The following RALYL variants were observed in gnomAD, a reference collection of about 807,000 sequenced individuals.
RALYL encodes the protein RNA-binding Raly-like protein.
In RALYL, 29 loss-of-function variants were observed where a neutral mutation model predicts 35.1. The observed-to-expected ratio is 0.83, with a 90% CI of 0.61 to 1.13. RALYL has a LOEUF of 1.13. Ranked by LOEUF, RALYL falls within the 50% of genes most tolerant of loss-of-function variation. The pLI is 0.00. For missense variants in RALYL, 359 were observed against 360.4 expected (o/e 1.00, Z 0.03); for synonymous variants, 120 against 127.6 (o/e 0.94, Z 0.40).
intron 1 of RALYL, among the ~76,000 whole-genome samples, chr8:84,256,081 T>C (rs1831155785): frequency 6.6e-6 from 1 of 152,124 alleles, no homozygotes; most frequent in African/African-American, 2.4e-5. Context: ...GCAAAGGGTA[T>C]GTCTGATTGC....
intron 2 of RALYL, among the ~76,000 whole-genome samples, chr8:84,616,739 T>C (rs1336832139): frequency 6.6e-6 from 1 of 151,438 alleles, no homozygotes; most frequent in Non-Finnish European, 1.5e-5. Context: ...AACGTTTAAG[T>C]CTTTAATCCA....
rs146860839 is a variant in RALYL, at chr8:84,737,711, G to A, written c.257-36868G>A. Among the ~76,000 whole-genome samples, 949 of 151,926 alleles carry A rather than the reference G, an allele frequency of 6.2e-3. 16 individuals carry two copies. Among genetic ancestry groups the A allele is most frequent in the African/African-American group, 0.021 (886 of 41,450 alleles). ...GCAATGTGGTGGTGTCTGGAGGAGG[G>A]GTATTGGGGAGGTGATTAGTGTATA... On this transcript the variant is annotated intron_variant, in intron 2 of 8. Transcript: ENST00000521268.
chr8:84,368,939 T>A (rs1168601912), intron 1 of RALYL, among the ~76,000 whole-genome samples: 1 of 152,224 alleles, frequency 6.6e-6, no homozygotes, highest in Admixed American at 6.6e-5. Context: ...ATGGCAAGTT[T>A]GTCTGGCACG....
chr8:84,544,669 A>G (rs772185758), intron 2 of RALYL, among the ~76,000 whole-genome samples: 14 of 152,112 alleles, frequency 9.2e-5, no homozygotes, highest in Non-Finnish European at 1.5e-5. Flanking sequence ...ATAGATTCCA[A>G]GAAATGAGTG....
intron 2 of RALYL, among the ~76,000 whole-genome samples, chr8:84,734,333 A>G (rs998054326): frequency 2.0e-5 from 3 of 152,164 alleles, no homozygotes; most frequent in South Asian, 2.1e-4. Context: ...TTAAACAAAG[A>G]CCTTAGGTAT....
chr8:84,692,843 A>G (rs1314815278), intron 2 of RALYL, among the ~76,000 whole-genome samples: 1 of 151,996 alleles, frequency 6.6e-6, no homozygotes, highest in Non-Finnish European at 1.5e-5. Context: ...CTGGAGAGGA[A>G]GGAGAATCAA....
At chr8:84,523,131 C>G (rs1343188417) in intron 1 of RALYL, among the ~76,000 whole-genome samples, 1 of 152,064 alleles carries the variant, frequency 6.6e-6, no homozygotes, top group African/African-American at 2.4e-5. Context: ...AAAGACATAC[C>G]TGAGACTGGA....
chr8:84,850,823 T>C (rs1835702936), intron 5 of RALYL, among the ~76,000 whole-genome samples: 1 of 152,174 alleles, frequency 6.6e-6, no homozygotes, highest in Admixed American at 6.5e-5. Flanking sequence ...TCTATCAATG[T>C]TGTGAACTAT....
chr8:84,275,595 T>G (rs1835216364), intron 1 of RALYL, among the ~76,000 whole-genome samples: 1 of 152,086 alleles, frequency 6.6e-6, no homozygotes, highest in South Asian at 2.1e-4. Flanking sequence ...TGTTATTATC[T>G]ATAGTCATAA....
At chr8:84,296,410 A>G (rs1201999821) in intron 1 of RALYL, among the ~76,000 whole-genome samples, 1 of 152,102 alleles carries the variant, frequency 6.6e-6, no homozygotes, top group Non-Finnish European at 1.5e-5. Flanking sequence ...GATCACATAC[A>G]TATATCCCAG....
chr8:84,604,988 A>G lies in RALYL; in HGVS notation c.256+75411A>G, dbSNP rs80138558. Among the ~76,000 whole-genome samples the G allele has an allele frequency of 9.8e-3, 1,486 of 152,230 alleles. 22 individuals are homozygous for G. Among genetic ancestry groups the G allele is most frequent in the African/African-American group, 0.033 (1,371 of 41,556 alleles). ...CTGTTCTTCAAACAATTCTACTTGC[A>G]TACACAATTTTTGTTCCACTACCTT... On this transcript the variant is annotated intron_variant, in intron 2 of 8. Transcript: ENST00000521268.
At chr8:84,237,590 T>C (rs1275469525) in intron 1 of RALYL, among the ~76,000 whole-genome samples, 1 of 152,088 alleles carries the variant, frequency 6.6e-6, no homozygotes, top group African/African-American at 2.4e-5. Context: ...AACAATAAAA[T>C]TCAAATTCTT....
At chr8:84,684,079 A>G (rs1205013010) in intron 2 of RALYL, among the ~76,000 whole-genome samples, 1 of 152,144 alleles carries the variant, frequency 6.6e-6, no homozygotes, top group African/African-American at 2.4e-5. Flanking sequence ...AAGATCATTA[A>G]CTATTATGCC....
intron 3 of RALYL, among the ~76,000 whole-genome samples, chr8:84,780,719 A>C (rs1817958476): frequency 6.6e-6 from 1 of 152,202 alleles, no homozygotes; most frequent in Admixed American, 6.5e-5. Flanking sequence ...GGAAGATATA[A>C]AATTTCCTAA....
chr8:84,693,212 C>T (rs753307838), intron 2 of RALYL, among the ~76,000 whole-genome samples: 4 of 151,938 alleles, frequency 2.6e-5, no homozygotes, highest in Admixed American at 1.3e-4. Context: ...CCCATTCTCA[C>T]ACTGCTAAAA....
In RALYL at chr8:84,308,770, A is replaced by AAAAAAAAAACATCTGTAATAC. The variant is rs1285941649; in HGVS notation, c.-24+124349_-24+124350insAAAAAACATCTGTAATACAAA. Among the ~76,000 whole-genome samples, 178 of 152,344 alleles carry AAAAAAAAAACATCTGTAATAC rather than the reference A, an allele frequency of 1.2e-3. 1 individual carries two copies. The highest frequency in any genetic ancestry group is 4.0e-3 in the African/African-American group (168 of 41,580). On this transcript the variant is annotated intron_variant, in intron 1 of 8. Coordinates refer to ENST00000521268, the MANE Select transcript of RALYL (RefSeq NM_173848.7). ...CAAACATCTGTAATACAAATAAATA[A>AAAAAAAAAACATCTGTAATAC]AAATGGGTTGAATTTAACTATTGAA...
At chr8:84,579,125 C>A (rs372250988) in intron 2 of RALYL, among the ~76,000 whole-genome samples, 3 of 152,160 alleles carry the variant, frequency 2.0e-5, no homozygotes, top group African/African-American at 4.8e-5. Context: ...CAGCCCTCAG[C>A]CCCCCTAGGC....
chr8:84,230,568 C>G (rs1021029920), intron 1 of RALYL, among the ~76,000 whole-genome samples: 6 of 152,056 alleles, frequency 3.9e-5, no homozygotes, highest in Non-Finnish European at 7.4e-5. Context: ...ATAACTTACT[C>G]TCTAGTTATT....
chr8:84,889,935 C>G (rs1053214739), intron 8 of RALYL, among the ~76,000 whole-genome samples: 1 of 152,164 alleles, frequency 6.6e-6, no homozygotes, highest in African/African-American at 2.4e-5. Flanking sequence ...AGCCACGATC[C>G]CTGCTCTTCA....
Sources: allele counts gnomAD v4.1 joint callset (sites outside exome capture counted in the v4.1 genomes callset), GRCh38; gene constraint gnomAD v4.1.1; transcripts MANE v1.5; gene names NCBI Gene and HGNC (gene_info 2026-07-23, HGNC 2026-07-21).